Variants in PARD3 observed in about 807,000 individuals in gnomAD.
The protein encoded by PARD3 is par-3 family cell polarity regulator.
In PARD3, 75 loss-of-function variants were observed where a neutral mutation model predicts 155.4. That is an observed-to-expected ratio of 0.48 (90% CI 0.40 to 0.58). The LOEUF is 0.58. PARD3 is among the 20% of genes least tolerant of loss of function. PARD3 has a pLI of 0.00. For synonymous variants in PARD3, 576 were observed against 610.5 expected (o/e 0.94, Z 0.83); for missense variants, 1,642 against 1,721.7 (o/e 0.95, Z 0.82).
intron 5 of PARD3, among the ~76,000 whole-genome samples, chr10:34,449,780 C>G (rs2076960798): frequency 6.6e-6 from 1 of 152,278 alleles, no homozygotes; most frequent in Admixed American, 6.5e-5. Flanking sequence ...CTGCACTGCA[C>G]AGTGAAACAG....
chr10:34,603,055 G>T (rs1186481194), intron 2 of PARD3, among the ~76,000 whole-genome samples: 2 of 152,142 alleles, frequency 1.3e-5, no homozygotes, highest in Non-Finnish European at 2.9e-5. Flanking sequence ...TGATAGTTTG[G>T]TAGAGAGCGA....
intron 1 of PARD3, among the ~76,000 whole-genome samples, chr10:34,721,097 A>G (rs1055755577): frequency 2.6e-5 from 4 of 152,174 alleles, no homozygotes; most frequent in African/African-American, 9.7e-5. Flanking sequence ...TTTGTTCTAA[A>G]TCTATATCAA....
At chr10:34,465,202 C>G (rs1247442052) in intron 4 of PARD3, among the ~76,000 whole-genome samples, 1 of 152,108 alleles carries the variant, frequency 6.6e-6, no homozygotes, top group Non-Finnish European at 1.5e-5. Flanking sequence ...TCAATCTAAT[C>G]TTGGTTGAAT....
intron 4 of PARD3, among the ~76,000 whole-genome samples, chr10:34,455,871 G>A (rs2077310369): frequency 6.6e-6 from 1 of 152,112 alleles, no homozygotes; most frequent in African/African-American, 2.4e-5. Context: ...TATGTGTAAT[G>A]CCTAATGTTG....
chr10:34,577,452 A>C (rs574065553), intron 2 of PARD3, among the ~76,000 whole-genome samples: 1 of 152,372 alleles, frequency 6.6e-6, no homozygotes, highest in African/African-American at 2.4e-5. Flanking sequence ...CCGAAGCACA[A>C]GCACTGAGCT....
chr10:34,191,272 C>T (rs1950695591), intron 22 of PARD3, among the ~76,000 whole-genome samples: 1 of 151,874 alleles, frequency 6.6e-6, no homozygotes, highest in Admixed American at 6.6e-5. Context: ...GAATAAGCCA[C>T]TATAGAGGAA....
chr10:34,748,540 C>G (rs1835592707), intron 1 of PARD3, among the ~76,000 whole-genome samples: 1 of 152,020 alleles, frequency 6.6e-6, no homozygotes, highest in South Asian at 2.1e-4. Flanking sequence ...ACATCCTCCC[C>G]TCCCACCCCT....
At chr10:34,803,250 T>TA (rs112366679) in intron 1 of PARD3, among the ~76,000 whole-genome samples, 13 of 147,136 alleles carry the variant, frequency 8.8e-5, no homozygotes, top group African/African-American at 1.0e-4. Flanking sequence ...AAAAAATAAA[T>TA]AATAACAAAA....
Position 34,457,808 on chromosome 10 carries a change from C to T in PARD3, c.583-7360G>A, listed in dbSNP as rs565114098. 8.5e-4 allele frequency among the ~76,000 whole-genome samples: 129 copies of T among 152,196 alleles called. 1 individual carries two copies. The highest frequency in any genetic ancestry group is 3.0e-3 in the African/African-American group (126 of 41,524). The stretch of plus-strand genomic sequence containing the variant: ...GAGAGACAAAGTCTCACTATATTGC[C>T]GAGGCTGGTCTTAAACTCCTGGGTT... On this transcript the variant is annotated intron_variant, in intron 4 of 24. Transcript: ENST00000374788.
chr10:34,357,831 G>C (rs1839047257), intron 14 of PARD3, among the ~76,000 whole-genome samples: 1 of 152,224 alleles, frequency 6.6e-6, no homozygotes, highest in South Asian at 2.1e-4. Flanking sequence ...ATAATTCAGT[G>C]GTCAGTGATC....
intron 1 of PARD3, among the ~76,000 whole-genome samples, chr10:34,789,916 T>A (rs1453544661): frequency 6.6e-6 from 1 of 152,176 alleles, no homozygotes. Context: ...GCTTAACATT[T>A]TTCAAGAAAA....
chr10:34,230,041 G>A (rs1201853508), intron 22 of PARD3, among the ~76,000 whole-genome samples: 2 of 152,076 alleles, frequency 1.3e-5, no homozygotes, highest in East Asian at 1.9e-4. Flanking sequence ...AATGAGGTGC[G>A]ACAGAAAAGG....
intron 5 of PARD3, among the ~76,000 whole-genome samples, chr10:34,441,314 G>A (rs1376521855): frequency 6.6e-6 from 1 of 152,076 alleles, no homozygotes; most frequent in Non-Finnish European, 1.5e-5. Context: ...CAAGAAACTG[G>A]GTCTGCACTG....
intron 16 of PARD3, among the ~76,000 whole-genome samples, chr10:34,338,588 C>G (rs1836455225): frequency 6.6e-6 from 1 of 152,156 alleles, no homozygotes; most frequent in Non-Finnish European, 1.5e-5. Flanking sequence ...GCAAGCTTTT[C>G]CAACCCTTTA....
chr10:34,177,551 G>C (rs1046327059), intron 22 of PARD3, among the ~76,000 whole-genome samples: 5 of 152,174 alleles, frequency 3.3e-5, no homozygotes, highest in African/African-American at 1.2e-4. Flanking sequence ...CGTTCTCTCC[G>C]ATTTGGTCTG....
chr10:34,669,775 AT>A (rs1461344415), intron 2 of PARD3, among the ~76,000 whole-genome samples: 2 of 152,194 alleles, frequency 1.3e-5, no homozygotes, highest in Non-Finnish European at 2.9e-5. Flanking sequence ...TTAAAATGTG[AT>A]TTAAAAAAAA....
At chr10:34,778,618 G>A (rs924454032) in intron 1 of PARD3, among the ~76,000 whole-genome samples, 1 of 118,780 alleles carries the variant, frequency 8.4e-6, no homozygotes, top group Non-Finnish European at 1.9e-5. Flanking sequence ...AGACATGGTG[G>A]AGGAAAATTT....
chr10:34,319,112 C>T (rs371672087), intron 19 of PARD3, among the ~76,000 whole-genome samples: 7 of 126,976 alleles, frequency 5.5e-5, no homozygotes, highest in African/African-American at 1.2e-4. Context: ...CTTCTTGAGA[C>T]GGAGTTTCAC....
At chr10:34,810,054 G>T (rs1843922015) in intron 1 of PARD3, among the ~76,000 whole-genome samples, 1 of 151,972 alleles carries the variant, frequency 6.6e-6, no homozygotes, top group Non-Finnish European at 1.5e-5. Flanking sequence ...CACCAAAAAA[G>T]CACATTTTCA....
Sources: allele counts gnomAD v4.1 joint callset (sites outside exome capture counted in the v4.1 genomes callset), GRCh38; gene constraint gnomAD v4.1.1; transcripts MANE v1.5; gene names NCBI Gene and HGNC (gene_info 2026-07-23, HGNC 2026-07-21).